Variants in MEGF11 observed in about 807,000 individuals in gnomAD.
MEGF11 encodes multiple EGF like domains 11.
Under a neutral mutation model 146.6 loss-of-function variants are expected in MEGF11, and 126 were observed. The ratio of observed to expected loss-of-function variants is 0.86; its 90% CI spans 0.74 to 1.00. MEGF11 has a LOEUF of 1.00. Ranked by LOEUF, MEGF11 falls within the 50% of genes least tolerant of loss-of-function variation. MEGF11 has a pLI of 0.00. For synonymous variants in MEGF11, 532 were observed against 583.4 expected (o/e 0.91, Z 1.27); for missense variants, 1,509 against 1,521.2 (o/e 0.99, Z 0.13).
intron 1 of MEGF11, among the ~76,000 whole-genome samples, chr15:66,227,334 C>T (rs969642570): frequency 3.3e-5 from 5 of 152,156 alleles, no homozygotes; most frequent in East Asian, 1.9e-4. Flanking sequence ...GTGCCTGCCA[C>T]GTAGTAAGCC....
chr15:66,192,937 G>A (rs2090920522), intron 1 of MEGF11, among the ~76,000 whole-genome samples: 1 of 152,212 alleles, frequency 6.6e-6, no homozygotes, highest in African/African-American at 2.4e-5. Flanking sequence ...TGGTGTGATG[G>A]AGAGGAATAG....
intron 5 of MEGF11, among the ~76,000 whole-genome samples, chr15:66,082,499 ATCT>A (rs1567232400): frequency 2.9e-5 from 4 of 136,302 alleles, no homozygotes; most frequent in African/African-American, 1.1e-4. Context: ...CTATCTATCT[ATCT>A]ATCTATCTAT....
In MEGF11 at chr15:66,092,778, C is replaced by T. The variant is rs117492424; in HGVS notation, c.394+1624G>A. Among the ~76,000 whole-genome samples the T allele has an allele frequency of 6.3e-3, 955 of 152,250 alleles. 25 individuals carry two copies. In the East Asian group the frequency reaches 0.097, roughly 15 times the overall value. The stretch of plus-strand genomic sequence containing the variant: ...GGTGGTTTCTATATACTCAGGGCCC[C>T]GGGGGACCCAGGCTGTATTTCAACC... On this transcript the variant is annotated intron_variant, in intron 5 of 25. Coordinates refer to ENST00000395614, the MANE Select transcript of MEGF11 (RefSeq NM_001385028.1).
At chr15:66,095,993 C>T (rs896046860) in intron 4 of MEGF11, among the ~76,000 whole-genome samples, 2 of 152,212 alleles carry the variant, frequency 1.3e-5, no homozygotes, top group Admixed American at 6.5e-5. Flanking sequence ...AGTCCTGCTG[C>T]CCGGGCTCCC....
intron 5 of MEGF11, among the ~76,000 whole-genome samples, chr15:66,041,820 C>T (rs950483520): frequency 1.3e-5 from 2 of 152,168 alleles, no homozygotes; most frequent in African/African-American, 4.8e-5. Context: ...TCCCATTTTA[C>T]AGATGAGAAA....
intron 1 of MEGF11, among the ~76,000 whole-genome samples, chr15:66,138,427 T>A (rs117302114): frequency 0.013 from 1,943 of 152,338 alleles, 16 homozygotes; most frequent in South Asian, 0.024. Flanking sequence ...GAAAAATAGA[T>A]GGATAAAGCA....
At chr15:66,112,317 C>T (rs564530565) in intron 4 of MEGF11, among the ~76,000 whole-genome samples, 4 of 151,916 alleles carry the variant, frequency 2.6e-5, no homozygotes, top group Non-Finnish European at 5.9e-5. Context: ...ACAACATATC[C>T]GAAAAAGAAC....
chr15:66,199,285 G>C (rs745725101), intron 1 of MEGF11, among the ~76,000 whole-genome samples: 18 of 152,172 alleles, frequency 1.2e-4, no homozygotes, highest in Non-Finnish European at 2.5e-4. Context: ...ATAAAGAGCA[G>C]TGGATAATCC....
chr15:66,095,692 C>T (rs1209336245), intron 4 of MEGF11, among the ~76,000 whole-genome samples: 1 of 152,162 alleles, frequency 6.6e-6, no homozygotes, highest in African/African-American at 2.4e-5. Context: ...GCAAGGTAGA[C>T]CCCAGAAGAG....
intron 10 of MEGF11, among the ~76,000 whole-genome samples, chr15:65,955,259 G>T (rs1309499606): frequency 6.6e-6 from 1 of 152,204 alleles, no homozygotes; most frequent in South Asian, 2.1e-4. Context: ...CCATTTTACT[G>T]TGGAAATTAC....
chr15:66,107,922 T>C (rs1429783750), intron 4 of MEGF11, among the ~76,000 whole-genome samples: 4 of 151,922 alleles, frequency 2.6e-5, no homozygotes, highest in Non-Finnish European at 5.9e-5. Context: ...ACATTGACAA[T>C]GGGACCTGGA....
intron 5 of MEGF11, among the ~76,000 whole-genome samples, chr15:66,067,861 C>T (rs1013500076): frequency 6.6e-6 from 1 of 152,176 alleles, no homozygotes; most frequent in African/African-American, 2.4e-5. Flanking sequence ...GACAGCAGGG[C>T]TAAGCATTCC....
At chr15:65,967,983 C>A (rs1030829706) in intron 8 of MEGF11, among the ~76,000 whole-genome samples, 1 of 152,140 alleles carries the variant, frequency 6.6e-6, no homozygotes, top group African/African-American at 2.4e-5. Flanking sequence ...TGCCATGAGA[C>A]AAGTGAGGCA....
chr15:65,977,214 G>A (rs2081482823), intron 7 of MEGF11, among the ~76,000 whole-genome samples: 1 of 150,026 alleles, frequency 6.7e-6, no homozygotes. Flanking sequence ...AAGAGAAGGG[G>A]CCAAGATGGT....
At chr15:66,112,685 C>T (rs1222521509) in intron 4 of MEGF11, among the ~76,000 whole-genome samples, 1 of 147,522 alleles carries the variant, frequency 6.8e-6, no homozygotes, top group Non-Finnish European at 1.5e-5. Context: ...CCAGAAACTC[C>T]ACACCCAGAC....
At chr15:66,073,154 G>A (rs1260549892) in intron 5 of MEGF11, among the ~76,000 whole-genome samples, 3 of 152,198 alleles carry the variant, frequency 2.0e-5, no homozygotes, top group African/African-American at 4.8e-5. Context: ...CCCCACCTCC[G>A]CCTCGCCAGC....
At chr15:66,077,961 C>T (rs1385421295) in intron 5 of MEGF11, among the ~76,000 whole-genome samples, 2 of 152,164 alleles carry the variant, frequency 1.3e-5, no homozygotes, top group Non-Finnish European at 1.5e-5. Context: ...GAGCACTTCC[C>T]GGCAGGCAAT....
intron 1 of MEGF11, among the ~76,000 whole-genome samples, chr15:66,248,415 G>A (rs1022596023): frequency 4.6e-5 from 7 of 152,176 alleles, no homozygotes; most frequent in Admixed American, 3.3e-4. Flanking sequence ...GGATACCTGA[G>A]CTAACCATTA....
At chr15:66,253,150 ACCCCGG>A (rs2092399608) in intron 1 of MEGF11, among the ~76,000 whole-genome samples, 1 of 152,036 alleles carries the variant, frequency 6.6e-6, no homozygotes, top group Admixed American at 6.5e-5. Flanking sequence ...CTGCCTCCCG[ACCCCGG>A]CGGGGAAGGC....
Sources: allele counts gnomAD v4.1 joint callset (sites outside exome capture counted in the v4.1 genomes callset), GRCh38; gene constraint gnomAD v4.1.1; transcripts MANE v1.5; gene names NCBI Gene and HGNC (gene_info 2026-07-23, HGNC 2026-07-21).